Variants in TBC1D13 observed in about 807,000 individuals in gnomAD.
TBC1D13 encodes the protein TBC1 domain family member 13, also known as epididymis secretory sperm binding protein.
In TBC1D13, 40 loss-of-function variants were observed where a neutral mutation model predicts 53.6. That is an observed-to-expected ratio of 0.75 (90% CI 0.58 to 0.97). TBC1D13 has a LOEUF of 0.97. Among genes scored for constraint, TBC1D13 ranks in the 50% least tolerant of loss-of-function variants. TBC1D13 has a pLI of 0.00. For synonymous variants in TBC1D13, 182 were observed against 197.7 expected (o/e 0.92, Z 0.67); for missense variants, 377 against 499.4 (o/e 0.75, Z 2.34).
At chr9:128,807,110 A>G (rs1469965904) in intron 11 of TBC1D13, among the ~76,000 whole-genome samples, 1 of 147,496 alleles carries the variant, frequency 6.8e-6, no homozygotes, top group Non-Finnish European at 1.5e-5. Flanking sequence ...TTTTTGAGAC[A>G]GAGTCTCGCT....
At position 128,808,068 on chromosome 9, in the gene TBC1D13, G is replaced by A. The variant is rs1238007165; in HGVS notation, c.*189G>A. ...TGCCGCCACGCCCAGCTCCCCACCT[G>A]CCCTGCACTCTGCCCTCTTTGCCCA... On this transcript the variant is annotated 3_prime_UTR_variant, in exon 12 of 12. Coordinates refer to ENST00000372648, the MANE Select transcript of TBC1D13 (RefSeq NM_018201.5). The A allele has an allele frequency of 1.6e-6, 1 of 608,728 alleles. No homozygotes were observed. Among genetic ancestry groups the A allele is most frequent in the Non-Finnish European group, 3.0e-6 (1 of 337,442 alleles). 37.7% of individuals were successfully genotyped at this position (608,728 alleles called of 1,614,324 possible). A position where few individuals can be genotyped will look rare whatever the true frequency, so the allele number is the denominator to read the frequency against.
chr9:128,787,403 C>T, intron 1 of TBC1D13, 27 bp downstream of exon 1: 1 of 1,255,210 alleles, frequency 8.0e-7, no homozygotes, highest in Non-Finnish European at 1.0e-6. Flanking sequence ...CCTGACCCGG[C>T]TGGGCCACTC....
Position 128,803,562 on chromosome 9 carries a change from G to A in TBC1D13, c.754+102G>A. 4.5e-6 allele frequency: 5 copies of A among 1,104,776 alleles called. 1 individual carries two copies. Among genetic ancestry groups the A allele is most frequent in the South Asian group, 4.2e-5 (3 of 72,228 alleles). 68.4% of individuals were successfully genotyped at this position (1,104,776 alleles called of 1,614,324 possible). A position where few individuals can be genotyped will look rare whatever the true frequency, so the allele number is the denominator to read the frequency against. ...CTCTGTTCTCCCTCTGCCAGATGAGGAGTTGGCCTGGATCATCTCTGAGAT... is the reference window on the plus strand; with the variant it reads ...CTCTGTTCTCCCTCTGCCAGATGAGAAGTTGGCCTGGATCATCTCTGAGAT... On this transcript the variant is annotated intron_variant, in intron 8 of 11. Transcript: ENST00000372648.
intron 6 of TBC1D13, among the ~76,000 whole-genome samples, chr9:128,793,494 C>T (rs1313787498): frequency 6.6e-6 from 1 of 152,174 alleles, no homozygotes; most frequent in East Asian, 1.9e-4. Context: ...GGTTTCCATT[C>T]CGCATTTACC....
chr9:128,806,312 G>A lies in TBC1D13; in HGVS notation c.1137+1G>A, dbSNP rs1042294774. The A allele has an allele frequency of 1.9e-6, 3 of 1,613,970 alleles. No homozygotes were observed. The African/African-American group carries it at 4.0e-5, about 22-fold the overall frequency. ...CACTGTGAATATGCGGCTGCTGCAG[G>A]TAATGGGAGTTGGGGGCAGGCTCAG... On this transcript the variant is annotated splice_donor_variant, in intron 11 of 11. Coordinates refer to ENST00000372648, the MANE Select transcript of TBC1D13 (RefSeq NM_018201.5). LOFTEE classifies it high-confidence loss of function.
chr9:128,799,975 C>T (rs1255429091), intron 7 of TBC1D13, among the ~76,000 whole-genome samples: 2 of 152,304 alleles, frequency 1.3e-5, no homozygotes, highest in South Asian at 2.1e-4. Flanking sequence ...GAGCCGAAAT[C>T]GCGCCACTGC....
intron 7 of TBC1D13, among the ~76,000 whole-genome samples, chr9:128,797,838 T>C (rs771540885): frequency 8.5e-5 from 13 of 152,168 alleles, no homozygotes; most frequent in Non-Finnish European, 1.5e-4. Flanking sequence ...CCAGGCACAA[T>C]GGCCCATGCC....
chr9:128,803,659 A>T (rs763217914), intron 8 of TBC1D13, among the ~76,000 whole-genome samples, 199 bp downstream of exon 8: 35 of 152,212 alleles, frequency 2.3e-4, no homozygotes, highest in Non-Finnish European at 4.0e-4. Flanking sequence ...TAATTCTGAT[A>T]GAGAAGGTGG....
chr9:128,792,940 A>G (rs1193810148), intron 6 of TBC1D13, among the ~76,000 whole-genome samples: 1 of 152,220 alleles, frequency 6.6e-6, no homozygotes. Flanking sequence ...CTTAGAACCT[A>G]GAAGGGAGGA....
At position 128,804,127 on chromosome 9, in the gene TBC1D13, C is replaced by T; in HGVS notation, c.918+8C>T. On this transcript the variant is annotated splice_region_variant and intron_variant, in intron 9 of 11. Transcript: ENST00000372648. ...GAGCTCTACCTGAAACTGGTGAGGACCCCAGGAACAGACGGGTGGAAAGGG... is the reference window on the plus strand; with the variant it reads ...GAGCTCTACCTGAAACTGGTGAGGATCCCAGGAACAGACGGGTGGAAAGGG... The T allele has an allele frequency of 6.2e-7, 1 of 1,613,162 alleles. No individual in the cohort carries two copies. The highest frequency in any genetic ancestry group is 8.5e-7 in the Non-Finnish European group (1 of 1,179,582).
intron 1 of TBC1D13, among the ~76,000 whole-genome samples, chr9:128,787,662 T>C (rs1245411402): frequency 6.5e-5 from 3 of 46,034 alleles, no homozygotes; most frequent in Admixed American, 6.0e-4. Flanking sequence ...CCCGCCCCCG[T>C]GCCTTTCCCC....
intron 2 of TBC1D13, chr9:128,789,791 C>CCA (rs1829494936): frequency 5.3e-4 from 8 of 15,216 alleles, no homozygotes; most frequent in African/African-American, 1.9e-3. Flanking sequence ...AGAAAATACA[C>CCA]CATATATATA....
chr9:128,788,209 ATTTTTATGTCCTAAAGG>A (rs1829463836), intron 1 of TBC1D13, 108 bp from the exon 2 acceptor site: 1 of 778,582 alleles, frequency 1.3e-6, no homozygotes, highest in Non-Finnish European at 2.2e-6. Flanking sequence ...AAGCTGTGTG[ATTTTTATGTCCTAAAGG>A]GGAGAGAGGC....
At chr9:128,802,713 A>G (rs1829758072) in intron 7 of TBC1D13, among the ~76,000 whole-genome samples, 1 of 150,476 alleles carries the variant, frequency 6.6e-6, no homozygotes, top group Non-Finnish European at 1.5e-5. Context: ...TGGCAAGAAC[A>G]CATTGTCCTC....
At chr9:128,803,052 T>G (rs1453519443) in intron 7 of TBC1D13, among the ~76,000 whole-genome samples, 198 bp from the exon 8 acceptor site, 1 of 152,104 alleles carries the variant, frequency 6.6e-6, no homozygotes, top group Non-Finnish European at 1.5e-5. Flanking sequence ...TCTCTTTTTT[T>G]GTTTTTGTTT....
At chr9:128,803,573 G>C in intron 8 of TBC1D13, 113 bp downstream of exon 8, 1 of 955,076 alleles carries the variant, frequency 1.0e-6, no homozygotes, top group South Asian at 1.5e-5. Flanking sequence ...AGTTGGCCTG[G>C]ATCATCTCTG....
chr9:128,801,691 AAAAG>A (rs1829736319), intron 7 of TBC1D13, among the ~76,000 whole-genome samples: 1 of 151,924 alleles, frequency 6.6e-6, no homozygotes, highest in Admixed American at 6.6e-5. Flanking sequence ...GGGGGCAAAT[AAAAG>A]AAAGAAAAGT....
Position 128,796,648 on chromosome 9 carries a change from A to G in TBC1D13, c.384-407A>G, listed in dbSNP as rs766758717. On this transcript the variant is annotated intron_variant, in intron 6 of 11. Coordinates refer to ENST00000372648, the MANE Select transcript of TBC1D13 (RefSeq NM_018201.5). The stretch of plus-strand genomic sequence containing the variant: ...GATTCAAAACGTTGTAATTAAAAAC[A>G]AACAATGCTGGCCAGGTACAGTGGC... Among the ~76,000 whole-genome samples the G allele has an allele frequency of 2.8e-4, 42 of 152,110 alleles. 1 individual carries two copies. Among genetic ancestry groups the G allele is most frequent in the Admixed American group, 5.9e-4 (9 of 15,256 alleles).
At chr9:128,793,548 G>C (rs111369307) in intron 6 of TBC1D13, among the ~76,000 whole-genome samples, 3 of 152,286 alleles carry the variant, frequency 2.0e-5, no homozygotes, top group African/African-American at 7.2e-5. Flanking sequence ...CACACCTTCT[G>C]ATCATTACTC....
Sources: allele counts gnomAD v4.1 joint callset (sites outside exome capture counted in the v4.1 genomes callset), GRCh38; gene constraint gnomAD v4.1.1; transcripts MANE v1.5; gene names NCBI Gene and HGNC (gene_info 2026-07-23, HGNC 2026-07-21).